The following PLAU variants were observed in gnomAD, a reference collection of about 807,000 sequenced individuals.
PLAU encodes plasminogen activator, urokinase, also known as urokinase-type plasminogen activator.
A neutral mutation model predicts 48.9 loss-of-function variants in PLAU; 32 were observed. The ratio of observed to expected loss-of-function variants is 0.65; its 90% CI spans 0.49 to 0.88. The LOEUF is 0.88. Ranked by LOEUF, PLAU falls within the 40% of genes least tolerant of loss-of-function variation. The pLI is 0.00. For synonymous variants in PLAU, 199 were observed against 205.7 expected (o/e 0.97, Z 0.28); for missense variants, 455 against 545.2 (o/e 0.83, Z 1.65).
intron 8 of PLAU, 44 bp downstream of exon 8, chr10:73,914,172 G>T: frequency 6.2e-7 from 1 of 1,605,648 alleles, no homozygotes; most frequent in African/African-American, 1.3e-5. Context: ...ATGGCTTGGG[G>T]AGAGTGGGAC....
In PLAU at chr10:73,913,636, C is replaced by T. The variant is rs775019547; in HGVS notation, c.558C>T (p.Thr186=). Residue 186 remains threonine (T), a synonymous_variant, in exon 7 of 11, where the codon ACC becomes ACT. Transcript: ENST00000372764. ...RFKIIGGEFT[T]IENQPWFAAI... ...AGATTATTGGGGGAGAATTCACCACCATCGAGAACCAGCCCTGGTTTGCGG... is the reference window on the plus strand; with the variant it reads ...AGATTATTGGGGGAGAATTCACCACTATCGAGAACCAGCCCTGGTTTGCGG... The T allele has an allele frequency of 4.3e-6, 7 of 1,613,970 alleles. No individual in the cohort carries two copies. Among genetic ancestry groups the T allele is most frequent in the South Asian group, 2.2e-5 (2 of 91,064 alleles).
chr10:73,915,567 T>C (rs924693587), intron 10 of PLAU, among the ~76,000 whole-genome samples, 168 bp downstream of exon 10: 1 of 152,054 alleles, frequency 6.6e-6, no homozygotes, highest in African/African-American at 2.4e-5. Flanking sequence ...TTGCCAGACA[T>C]TACCAAAAAA....
Position 73,916,899 on chromosome 10 carries a change from C to T in PLAU, c.*334C>T, listed in dbSNP as rs1443489745. On this transcript the variant is annotated 3_prime_UTR_variant, in exon 11 of 11. Transcript: ENST00000372764. Reference sequence around the variant, plus strand: ...TGGGTGAAGGGAGAGCCAGCTCCCCCGACGGTGGGCATTTGTGAGGCCCAT... The same window carrying T: ...TGGGTGAAGGGAGAGCCAGCTCCCCTGACGGTGGGCATTTGTGAGGCCCAT... 1.7e-5 allele frequency: 4 copies of T among 239,318 alleles called. No homozygotes were observed. The highest frequency in any genetic ancestry group is 1.1e-4 in the South Asian group (1 of 8,886). The allele number at this position is 239,318 out of a possible 1,614,324, so 14.8% of individuals were successfully genotyped here. A position where few individuals can be genotyped will look rare whatever the true frequency, so the allele number is the denominator to read the frequency against.
At chr10:73,913,200 T>G in intron 5 of PLAU, 90 bp from the exon 6 acceptor site, 1 of 1,572,310 alleles carries the variant, frequency 6.4e-7, no homozygotes, top group East Asian at 2.2e-5. Context: ...ACAAGAGAAG[T>G]GCGGCCTCTG....
rs374267816 is a variant in PLAU, at chr10:73,913,374, C to T, written c.453C>T (p.Cys151=). ...LLVQECMVHD[C]ADGKKPSSPP... ...TCCAAGAGTGCATGGTGCATGACTG[C>T]GCAGATGGTGAGCATCACTGACCTG... Residue 151 remains cysteine (C), a synonymous_variant, in exon 6 of 11, where the codon TGC becomes TGT. Coordinates refer to ENST00000372764, the MANE Select transcript of PLAU (RefSeq NM_002658.6). The T allele has an allele frequency of 1.3e-4, 206 of 1,613,262 alleles. No individual in the cohort carries two copies. Among genetic ancestry groups the T allele is most frequent in the Non-Finnish European group, 1.6e-4 (185 of 1,179,342 alleles).
At chr10:73,915,852 G>A (rs990187708) in intron 10 of PLAU, among the ~76,000 whole-genome samples, 1 of 152,202 alleles carries the variant, frequency 6.6e-6, no homozygotes, top group Admixed American at 6.5e-5. Context: ...ATTCCGGGTG[G>A]GGAGGAGAAC....
In PLAU at chr10:73,916,827, G is replaced by T; in HGVS notation, c.*262G>T. ...ACTGACCAGCAACTTGTCTTTTTCT[G>T]GACTGAAGCCTGCAGGAGTTAAAAA... On this transcript the variant is annotated 3_prime_UTR_variant, in exon 11 of 11. Transcript: ENST00000372764. The T allele has an allele frequency of 2.2e-6, 1 of 451,838 alleles. No individual in the cohort carries two copies. Among genetic ancestry groups the T allele is most frequent in the African/African-American group, 2.0e-5 (1 of 50,316 alleles). 28.0% of individuals were successfully genotyped at this position (451,838 alleles called of 1,614,324 possible).
chr10:73,911,527 C>T lies in PLAU; in HGVS notation c.-29C>T, dbSNP rs1400976853. On this transcript the variant is annotated splice_region_variant and 5_prime_UTR_variant, in exon 2 of 11. Transcript: ENST00000372764. ...CCTGACTTCTCCTTCCTTTGCAGAG[C>T]CGCCGTCTAGCGCCCCGACCTCGCC... 1.2e-6 allele frequency: 2 copies of T among 1,608,022 alleles called. No individual in the cohort carries two copies. The highest frequency in any genetic ancestry group is 4.5e-5 in the East Asian group (2 of 44,862).
chr10:73,911,611 A>T lies in PLAU; in HGVS notation c.56A>T (p.Lys19Ile). 6.2e-7 allele frequency: 1 copy of T among 1,613,874 alleles called. No homozygotes were observed. Among genetic ancestry groups the T allele is most frequent in the Non-Finnish European group, 8.5e-7 (1 of 1,179,956 alleles). Reference protein sequence around the residue: ...LLCVLVVSDSKGSNELHQVPS... With the variant: ...LLCVLVVSDSIGSNELHQVPS... ...TGCGTCCTGGTCGTGAGCGACTCCA[A>T]AGTGAGTGCGCTCTTGCTTTGACTG... The change falls in exon 2 of 11, where the codon AAA becomes ATA. Residue 19 changes from lysine to isoleucine, a missense_variant and splice_region_variant. Lys to Ile is a moderately radical substitution (Grantham distance 102). Coordinates refer to ENST00000372764, the MANE Select transcript of PLAU (RefSeq NM_002658.6).
At chr10:73,913,438 C>T (rs1335769464) in intron 6 of PLAU, 57 bp downstream of exon 6, 12 of 1,563,306 alleles carry the variant, frequency 7.7e-6, no homozygotes, top group Non-Finnish European at 1.1e-5. Flanking sequence ...ACTTACATGT[C>T]CCCTTATTCC....
Position 73,913,370 on chromosome 10 carries a change from A to G in PLAU, c.449A>G (p.Asp150Gly), listed in dbSNP as rs767220548. 6 of 1,613,858 alleles carry G rather than the reference A, an allele frequency of 3.7e-6. No homozygotes were observed. The Admixed American group carries it at 8.3e-5, about 22-fold the overall frequency. ...CTTGTCCAAGAGTGCATGGTGCATG[A>G]CTGCGCAGATGGTGAGCATCACTGA... is the stretch of plus-strand genomic sequence containing the variant. ...KLLVQECMVH[D>G]CADGKKPSSP... The change falls in exon 6 of 11, where the codon GAC becomes GGC. Residue 150 changes from aspartate to glycine, a missense_variant. Physicochemically the swap from Asp to Gly is moderately conservative, Grantham distance 94. Transcript: ENST00000372764.
rs2096137835 is a variant in PLAU, at chr10:73,916,708, AACG to A, written c.*146_*148del. The A allele has an allele frequency of 1.5e-6, 1 of 675,376 alleles. No homozygotes were observed. Among genetic ancestry groups the A allele is most frequent in the Non-Finnish European group, 2.5e-6 (1 of 403,786 alleles). 41.8% of individuals were successfully genotyped at this position (675,376 alleles called of 1,614,324 possible). On this transcript the variant is annotated 3_prime_UTR_variant, in exon 11 of 11. Transcript: ENST00000372764. ...TTTGCCTGTGCCACCCACCAGGGCG[AACG>A]ACAATAGCTTTACCCTCAGGCATAG...
chr10:73,910,139 A>G (rs1463484097), upstream of PLAU: 1 of 152,224 alleles, frequency 6.6e-6, no homozygotes, highest in Non-Finnish European at 1.5e-5. Context: ...TAAGAGTGTA[A>G]AAGGACAAAC....
intron 2 of PLAU, 41 bp from the exon 3 acceptor site, chr10:73,912,000 C>G: frequency 6.2e-7 from 1 of 1,614,120 alleles, no homozygotes; most frequent in African/African-American, 1.3e-5. Context: ...GTCCCTGGAG[C>G]ATGGGACCTT....
chr10:73,911,958 T>G (rs772421529), intron 2 of PLAU, 83 bp from the exon 3 acceptor site: 34 of 1,613,716 alleles, frequency 2.1e-5, no homozygotes, highest in Middle Eastern at 1.6e-4. Context: ...GAGTGGGTTT[T>G]GGGATTGGGG....
chr10:73,911,467 C>G (rs955923411), intron 1 of PLAU, 58 bp from the exon 2 acceptor site: 1 of 1,521,576 alleles, frequency 6.6e-7, no homozygotes, highest in East Asian at 2.4e-5. Flanking sequence ...TGCAGTCGCC[C>G]GCCTGGCCTG....
chr10:73,913,588 A>G lies in PLAU; in HGVS notation c.510A>G (p.Gln170=). ...AAGAATTAAAATTTCAGTGTGGCCAAAAGACTCTGAGGCCCCGCTTTAAGA... is the reference window on the plus strand; with the variant it reads ...AAGAATTAAAATTTCAGTGTGGCCAGAAGACTCTGAGGCCCCGCTTTAAGA... ...PPEELKFQCG[Q]KTLRPRFKII... The change falls in exon 7 of 11, where the codon CAA becomes CAG. Residue 170 remains glutamine (Q), a synonymous_variant. Coordinates refer to ENST00000372764, the MANE Select transcript of PLAU (RefSeq NM_002658.6). 6.2e-7 allele frequency: 1 copy of G among 1,613,898 alleles called. No individual in the cohort carries two copies. The highest frequency in any genetic ancestry group is 1.3e-5 in the African/African-American group (1 of 74,998).
chr10:73,912,142 C>T (rs1208170260), intron 3 of PLAU, 73 bp from the exon 4 acceptor site: 1 of 1,611,696 alleles, frequency 6.2e-7, no homozygotes, highest in Admixed American at 1.7e-5. Context: ...CCCTCCCTGC[C>T]CTCTGCTGCA....
chr10:73,913,971 C>CT lies in PLAU; in HGVS notation c.681-8dup. The CT allele has an allele frequency of 6.2e-7, 1 of 1,612,884 alleles. No homozygotes were observed. The highest frequency in any genetic ancestry group is 8.5e-7 in the Non-Finnish European group (1 of 1,178,878). ...GACTAAGCTGTTTGATGGGTATCTTCTCCCACAGTGATTACCCAAAGAAGG... is the reference window on the plus strand; with the variant it reads ...GACTAAGCTGTTTGATGGGTATCTTCTTCCCACAGTGATTACCCAAAGAAGG... On this transcript the variant is annotated splice_polypyrimidine_tract_variant and intron_variant, in intron 7 of 10. Coordinates refer to ENST00000372764, the MANE Select transcript of PLAU (RefSeq NM_002658.6).
Sources: gnomAD v4.1 joint callset for allele counts (sites outside exome capture counted in the v4.1 genomes callset) on GRCh38, gnomAD v4.1.1 for gene constraint, MANE v1.5 for transcripts, NCBI Gene and HGNC (gene_info 2026-07-23, HGNC 2026-07-21) for gene names.